The following SNTB1 variants were observed in gnomAD, a reference collection of about 807,000 sequenced individuals.
SNTB1 encodes beta-1-syntrophin.
In SNTB1, 36 loss-of-function variants were observed where a neutral mutation model predicts 48.9. The ratio of observed to expected loss-of-function variants is 0.74; its 90% CI spans 0.56 to 0.97. The LOEUF (loss-of-function observed/expected upper bound fraction) is 0.97, where lower values mean the gene tolerates loss of function less well. Ranked by LOEUF, SNTB1 falls within the 50% of genes least tolerant of loss-of-function variation. SNTB1 has a pLI of 0.00. For synonymous variants in SNTB1, 299 were observed against 294.6 expected, an observed-to-expected ratio of 1.01 and a Z score of -0.15; for missense variants, 786 against 703.4, an observed-to-expected ratio of 1.12 and a Z score of -1.33.
chr8:120,639,346 C>T (rs942445341), intron 2 of SNTB1, among the ~76,000 whole-genome samples: 17 of 152,242 alleles, frequency 1.1e-4, no homozygotes, highest in African/African-American at 3.4e-4. Context: ...GTTGCCTGTT[C>T]ACTCTGATGG....
intron 1 of SNTB1, among the ~76,000 whole-genome samples, chr8:120,761,828 G>A (rs1819425954): frequency 6.6e-6 from 1 of 152,272 alleles, no homozygotes; most frequent in South Asian, 2.1e-4. Flanking sequence ...ACTTGATGGG[G>A]CACCCAGAGA....
intron 3 of SNTB1, among the ~76,000 whole-genome samples, chr8:120,594,527 C>T (rs538151697): frequency 1.3e-5 from 2 of 151,992 alleles, no homozygotes; most frequent in African/African-American, 2.4e-5. Context: ...TGTGAGCCAC[C>T]GCACTCAACC....
At chr8:120,576,904 A>G (rs893930061) in intron 3 of SNTB1, among the ~76,000 whole-genome samples, 4 of 152,192 alleles carry the variant, frequency 2.6e-5, no homozygotes, top group Admixed American at 2.0e-4. Flanking sequence ...TCATCATGCT[A>G]TAGTGGGGAT....
chr8:120,775,707 C>CAACGAAGG (rs1819721964), intron 1 of SNTB1, among the ~76,000 whole-genome samples: 1 of 114,410 alleles, frequency 8.7e-6, no homozygotes, highest in East Asian at 2.7e-4. Flanking sequence ...GGGAAGGAGA[C>CAACGAAGG]AAGGAAGGAA....
intron 2 of SNTB1, among the ~76,000 whole-genome samples, chr8:120,638,580 C>T (rs1203163898): frequency 6.6e-6 from 1 of 152,032 alleles, no homozygotes; most frequent in Non-Finnish European, 1.5e-5. Flanking sequence ...CGACAGGCCC[C>T]GGTGTGTGAT....
chr8:120,699,474 C>T (rs1419323412), intron 1 of SNTB1, among the ~76,000 whole-genome samples: 1 of 152,262 alleles, frequency 6.6e-6, no homozygotes, highest in East Asian at 1.9e-4. Context: ...TTCTCTCTCC[C>T]TTTGTCCCAT....
intron 3 of SNTB1, among the ~76,000 whole-genome samples, chr8:120,601,232 AG>A (rs1478817888): frequency 6.6e-6 from 1 of 150,504 alleles, no homozygotes; most frequent in East Asian, 2.0e-4. Context: ...TCTAGTGGGG[AG>A]GGGGAGTGGT....
intron 1 of SNTB1, among the ~76,000 whole-genome samples, chr8:120,738,767 G>C (rs184213954): frequency 9.2e-5 from 14 of 152,212 alleles, no homozygotes; most frequent in Non-Finnish European, 2.1e-4. Context: ...AAGCTATCTA[G>C]CCTCAGATTG....
At chr8:120,633,529 C>T (rs144801777) in intron 2 of SNTB1, among the ~76,000 whole-genome samples, 3,095 of 152,088 alleles carry the variant, frequency 0.02, 100 homozygotes, top group African/African-American at 0.072. Context: ...TGCTTGAACC[C>T]GGGAGGCAGA....
intron 3 of SNTB1, among the ~76,000 whole-genome samples, chr8:120,597,218 T>C (rs987657823): frequency 2.0e-5 from 3 of 152,210 alleles, no homozygotes; most frequent in Admixed American, 1.3e-4. Context: ...ATGCAAGAAA[T>C]AGATTGTCCT....
chr8:120,698,956 A>G (rs1818258774), intron 1 of SNTB1, among the ~76,000 whole-genome samples: 1 of 152,250 alleles, frequency 6.6e-6, no homozygotes, highest in Non-Finnish European at 1.5e-5. Context: ...TTTATCTATA[A>G]TAGGCAGCCA....
chr8:120,811,726 T>G lies in SNTB1; in HGVS notation c.118A>C (p.Asn40His). 1 of 1,564,974 alleles carries G rather than the reference T, an allele frequency of 6.4e-7. No homozygotes were observed. Among genetic ancestry groups the G allele is most frequent in the South Asian group, 1.2e-5 (1 of 85,608 alleles). ...VRDRWHKVLV[N>H]LSEDALVLSS... ...AGAACCAGGGCGTCCTCGCTCAAGT[T>G]CACCAGAACTTTGTGCCAGCGATCC... The change falls in exon 1 of 7, where the codon AAC becomes CAC. Residue 40 changes from asparagine (N) to histidine (H), a missense_variant. By Grantham distance (68) the Asn-to-His change is moderately conservative. Coordinates refer to ENST00000517992, the MANE Select transcript of SNTB1 (RefSeq NM_021021.4).
At chr8:120,687,481 G>T (rs544077038) in intron 2 of SNTB1, among the ~76,000 whole-genome samples, 24 of 152,316 alleles carry the variant, frequency 1.6e-4, no homozygotes, top group African/African-American at 4.6e-4. Flanking sequence ...TGGCAAAGCA[G>T]AAATTTACAT....
intron 2 of SNTB1, among the ~76,000 whole-genome samples, chr8:120,645,485 A>T (rs1490340116): frequency 2.0e-5 from 3 of 151,662 alleles, no homozygotes; most frequent in Non-Finnish European, 2.9e-5. Context: ...GACATGCGGC[A>T]TTATTTCTGA....
In SNTB1 at chr8:120,693,749, A is replaced by G; in HGVS notation, c.731T>C (p.Ile244Thr). 1.2e-6 allele frequency: 2 copies of G among 1,613,624 alleles called. No homozygotes were observed. The highest frequency in any genetic ancestry group is 1.7e-6 in the Non-Finnish European group (2 of 1,179,864). Residue 244 changes from isoleucine (I) to threonine (T), a missense_variant, in exon 2 of 7, where the codon ATC becomes ACC. Transcript: ENST00000517992. Reference sequence around the variant, plus strand: ...AGTGACGTAGCACATTTTGAGGGGGATGCTTTTCCGGTCTCTGTGGAAGGA... The same window carrying G: ...AGTGACGTAGCACATTTTGAGGGGGGTGCTTTTCCGGTCTCTGTGGAAGGA... Reference protein sequence around the residue: ...SFSFHRDRKSIPLKMCYVTRS... With the variant: ...SFSFHRDRKSTPLKMCYVTRS...
chr8:120,646,455 G>A (rs1234176589), intron 2 of SNTB1, among the ~76,000 whole-genome samples: 3 of 149,934 alleles, frequency 2.0e-5, no homozygotes, highest in African/African-American at 2.4e-5. Context: ...CTGTTTAAAT[G>A]CTGGATTACA....
At chr8:120,569,071 C>T (rs978290106) in intron 4 of SNTB1, among the ~76,000 whole-genome samples, 2 of 152,160 alleles carry the variant, frequency 1.3e-5, no homozygotes, top group Admixed American at 6.5e-5. Context: ...AATGCCGCCT[C>T]CCAGGTTCAA....
At chr8:120,577,449 C>T (rs778142717) in intron 3 of SNTB1, among the ~76,000 whole-genome samples, 26 of 152,166 alleles carry the variant, frequency 1.7e-4, no homozygotes, top group Non-Finnish European at 1.5e-4. Flanking sequence ...GTACCAGACT[C>T]TGCAAGGTGA....
chr8:120,753,977 C>G (rs1486470163), intron 1 of SNTB1, among the ~76,000 whole-genome samples: 1 of 152,152 alleles, frequency 6.6e-6, no homozygotes, highest in Non-Finnish European at 1.5e-5. Flanking sequence ...TAATTTGTCT[C>G]ATCAATCTAA....
Sources: allele counts gnomAD v4.1 joint callset (sites outside exome capture counted in the v4.1 genomes callset), GRCh38; gene constraint gnomAD v4.1.1; transcripts MANE v1.5; gene names NCBI Gene and HGNC (gene_info 2026-07-23, HGNC 2026-07-21).